CADPS2: variants seen among roughly 807,000 people sequenced by gnomAD.
CADPS2 encodes the protein calcium-dependent secretion activator 2.
Under a neutral mutation model 172.5 loss-of-function variants are expected in CADPS2, and 93 were observed. The ratio of observed to expected loss-of-function variants is 0.54; its 90% CI spans 0.46 to 0.64. CADPS2 has a LOEUF of 0.64. CADPS2 is among the 30% of genes least tolerant of loss of function. The probability of loss-of-function intolerance (pLI) is 0.00; values close to 1 mark genes in which losing one functional copy is unlikely to be tolerated. For missense variants in CADPS2, 1,420 were observed against 1,565.9 expected (o/e 0.91, Z 1.57); for synonymous variants, 546 against 555.2 (o/e 0.98, Z 0.23).
At chr7:122,702,339 T>A (rs571640067) in intron 2 of CADPS2, 1 of 1,613,844 alleles carries the variant, frequency 6.2e-7, no homozygotes, top group East Asian at 2.2e-5. Flanking sequence ...GGAAATACTT[T>A]ACTGCCCGTA....
At chr7:122,389,188 C>T (rs1300041041) in intron 22 of CADPS2, among the ~76,000 whole-genome samples, 1 of 152,020 alleles carries the variant, frequency 6.6e-6, no homozygotes, top group Non-Finnish European at 1.5e-5. Context: ...TGTCTATCTA[C>T]ACGTGTGTAG....
At chr7:122,570,633 CA>C (rs2067120344) in intron 7 of CADPS2, among the ~76,000 whole-genome samples, 1 of 150,474 alleles carries the variant, frequency 6.6e-6, no homozygotes, top group African/African-American at 2.5e-5. Context: ...GGAACCAACC[CA>C]AATGTCCAAC....
intron 1 of CADPS2, among the ~76,000 whole-genome samples, chr7:122,752,368 T>C (rs2092987946): frequency 6.6e-6 from 1 of 152,206 alleles, no homozygotes; most frequent in South Asian, 2.1e-4. Flanking sequence ...AAGAGCTTTC[T>C]GAAATCCTGA....
At chr7:122,550,247 G>A (rs555045703) in intron 8 of CADPS2, among the ~76,000 whole-genome samples, 2 of 152,252 alleles carry the variant, frequency 1.3e-5, no homozygotes, top group East Asian at 3.9e-4. Flanking sequence ...CTTTATGATG[G>A]AAATTAAACT....
At chr7:122,493,649 C>G (rs7787936) in intron 9 of CADPS2, among the ~76,000 whole-genome samples, 1 of 151,438 alleles carries the variant, frequency 6.6e-6, no homozygotes, top group Non-Finnish European at 1.5e-5. Context: ...GATATACTTA[C>G]GTTTTACGTA....
chr7:122,758,704 C>T (rs2093264395), intron 1 of CADPS2, among the ~76,000 whole-genome samples: 1 of 152,112 alleles, frequency 6.6e-6, no homozygotes, highest in South Asian at 2.1e-4. Flanking sequence ...TTTCCCTAAG[C>T]AGTCCTCAGA....
chr7:122,531,122 G>T (rs572259601), intron 8 of CADPS2, among the ~76,000 whole-genome samples: 1 of 152,344 alleles, frequency 6.6e-6, no homozygotes, highest in Non-Finnish European at 1.5e-5. Context: ...GAATCCATCA[G>T]TGACAGCAAG....
chr7:122,773,583 GT>G (rs1214398002), intron 1 of CADPS2, among the ~76,000 whole-genome samples: 1 of 151,940 alleles, frequency 6.6e-6, no homozygotes. Context: ...CAGACCAGAA[GT>G]TCAAAAAAGG....
At chr7:122,728,025 C>A (rs971379333) in intron 2 of CADPS2, among the ~76,000 whole-genome samples, 1 of 151,776 alleles carries the variant, frequency 6.6e-6, no homozygotes, top group Non-Finnish European at 1.5e-5. Context: ...GTTTACTTAG[C>A]GATCAACAAC....
chr7:122,566,380 A>G (rs2066475071), intron 7 of CADPS2, among the ~76,000 whole-genome samples: 1 of 152,196 alleles, frequency 6.6e-6, no homozygotes, highest in African/African-American at 2.4e-5. Flanking sequence ...AAGTAAAAGT[A>G]GAATTACTAT....
At chr7:122,329,282 G>T (rs1419443246) in intron 28 of CADPS2, among the ~76,000 whole-genome samples, 1 of 152,112 alleles carries the variant, frequency 6.6e-6, no homozygotes, top group African/African-American at 2.4e-5. Context: ...CCCCAACTGT[G>T]TCAGCACTGC....
chr7:122,430,802 T>C (rs2049809459), intron 17 of CADPS2, among the ~76,000 whole-genome samples: 1 of 152,208 alleles, frequency 6.6e-6, no homozygotes, highest in Non-Finnish European at 1.5e-5. Context: ...AAGTCCTTTG[T>C]TTTATTTAAC....
intron 8 of CADPS2, among the ~76,000 whole-genome samples, chr7:122,547,650 T>C (rs2063762564): frequency 6.6e-6 from 1 of 152,156 alleles, no homozygotes; most frequent in African/African-American, 2.4e-5. Context: ...AGCTAATCAA[T>C]AGCAAATTAC....
At chr7:122,645,689 A>G (rs1225955891) in intron 3 of CADPS2, among the ~76,000 whole-genome samples, 1 of 91,064 alleles carries the variant, frequency 1.1e-5, no homozygotes, top group East Asian at 3.9e-4. Flanking sequence ...ATATCTTGGG[A>G]TTTTGCTCTT....
At chr7:122,808,553 T>C (rs757461565) in intron 1 of CADPS2, among the ~76,000 whole-genome samples, 1 of 152,208 alleles carries the variant, frequency 6.6e-6, no homozygotes, top group Non-Finnish European at 1.5e-5. Context: ...CTTAAAAGTG[T>C]TGCTTTGAGG....
chr7:122,783,132 C>T (rs1409313149), intron 1 of CADPS2, among the ~76,000 whole-genome samples: 4 of 148,538 alleles, frequency 2.7e-5, no homozygotes, highest in Admixed American at 2.0e-4. Flanking sequence ...AGGAGAATGG[C>T]GTGAACCTGG....
At chr7:122,452,190 G>A (rs12671420) in intron 14 of CADPS2, among the ~76,000 whole-genome samples, 39,905 of 151,890 alleles carry the variant, frequency 0.26, 5,630 homozygotes, top group East Asian at 0.38. Context: ...CAGAAATTTA[G>A]AATTTATTCT....
At chr7:122,640,669 C>A (rs558690184) in intron 3 of CADPS2, among the ~76,000 whole-genome samples, 1 of 152,108 alleles carries the variant, frequency 6.6e-6, no homozygotes, top group African/African-American at 2.4e-5. Flanking sequence ...CGGTGGCTCA[C>A]GCCTCTAATC....
intron 28 of CADPS2, among the ~76,000 whole-genome samples, chr7:122,333,015 G>C (rs1245605950): frequency 6.6e-6 from 1 of 152,166 alleles, no homozygotes; most frequent in Non-Finnish European, 1.5e-5. Flanking sequence ...TAGTGTCCTT[G>C]ATGGGATGCA....
Sources: allele counts gnomAD v4.1 joint callset (sites outside exome capture counted in the v4.1 genomes callset), GRCh38; gene constraint gnomAD v4.1.1; transcripts MANE v1.5; gene names NCBI Gene and HGNC (gene_info 2026-07-23, HGNC 2026-07-21).